WWC1: variants seen among roughly 807,000 people sequenced by gnomAD.
WWC1 encodes the protein WW and C2 domain containing 1, also known as protein KIBRA.
WWC1 carries 55 observed loss-of-function variants against 138.4 expected under a neutral mutation model. That is an observed-to-expected ratio of 0.40 (90% confidence interval 0.32 to 0.50). The LOEUF (loss-of-function observed/expected upper bound fraction) is 0.50. WWC1 is among the 20% of genes least tolerant of loss of function. WWC1 has a pLI of 0.72. For synonymous variants in WWC1, 524 were observed against 564.9 expected (o/e 0.93, Z 1.03); for missense variants, 1,226 against 1,420.4 (o/e 0.86, Z 2.20).
In WWC1 at chr5:168,464,932, C is replaced by T. The variant is rs766887781; in HGVS notation, c.3120C>T (p.Phe1040=). 2 of 1,614,122 alleles carry T rather than the reference C, an allele frequency of 1.2e-6. No individual in the cohort carries two copies. The highest frequency in any genetic ancestry group is 2.2e-5 in the South Asian group (2 of 91,082). Residue 1040 remains phenylalanine (F), a synonymous_variant, in exon 21 of 23, where the codon TTC becomes TTT. Transcript: ENST00000265293. ...AGTGGTTGCGTGAGGACGAGCGTTT[C>T]CGCCTGCTGCTGAGGATGCTGGAGA... is the stretch of plus-strand genomic sequence containing the variant. ...LPQWLREDER[F]RLLLRMLEKR...
intron 3 of WWC1, among the ~76,000 whole-genome samples, chr5:168,394,488 G>T (rs968698882): frequency 3.0e-4 from 45 of 152,104 alleles, no homozygotes; most frequent in African/African-American, 9.9e-4. Context: ...GCACTTGGGG[G>T]GCCGAGGCGG....
intron 5 of WWC1, 38 bp from the exon 6 acceptor site, chr5:168,406,160 C>G: frequency 1.2e-6 from 2 of 1,609,288 alleles, no homozygotes; most frequent in Non-Finnish European, 1.7e-6. Flanking sequence ...GTCCCTCACC[C>G]TATCTAAGGC....
chr5:168,446,261 A>C (rs976879092), intron 17 of WWC1, among the ~76,000 whole-genome samples: 9 of 137,892 alleles, frequency 6.5e-5, no homozygotes, highest in Admixed American at 4.3e-4. Context: ...AAAAAAAAAA[A>C]GGTTAGCAAG....
At chr5:168,312,635 T>G (rs146521666) in intron 1 of WWC1, among the ~76,000 whole-genome samples, 527 of 152,346 alleles carry the variant, frequency 3.5e-3, no homozygotes, top group African/African-American at 0.012. Context: ...GGCCCCAGCC[T>G]ATGCCTCCTA....
chr5:168,305,835 T>TG (rs1205826829), intron 1 of WWC1, among the ~76,000 whole-genome samples: 1 of 152,154 alleles, frequency 6.6e-6, no homozygotes, highest in Admixed American at 6.6e-5. Flanking sequence ...ACTTGGTCTG[T>TG]GGTATGGCCT....
chr5:168,339,347 T>C (rs558920986), intron 1 of WWC1, among the ~76,000 whole-genome samples: 31 of 152,218 alleles, frequency 2.0e-4, no homozygotes, highest in Middle Eastern at 3.4e-3. Flanking sequence ...GCTAGTTGCC[T>C]TGGGGGAAAG....
intron 15 of WWC1, among the ~76,000 whole-genome samples, chr5:168,439,601 G>T (rs1186541634): frequency 6.7e-6 from 1 of 149,648 alleles, no homozygotes; most frequent in African/African-American, 2.5e-5. Flanking sequence ...CACTCCAGCA[G>T]CCTCGGCAAC....
At chr5:168,401,565 A>G (rs1334790134) in intron 5 of WWC1, among the ~76,000 whole-genome samples, 1 of 152,090 alleles carries the variant, frequency 6.6e-6, no homozygotes, top group Non-Finnish European at 1.5e-5. Flanking sequence ...TTCCCACCCC[A>G]CAAGTCCCCA....
In WWC1 at chr5:168,414,525, C is replaced by G; in HGVS notation, c.1119C>G (p.Ala373=). The G allele has an allele frequency of 6.4e-7, 1 of 1,556,092 alleles. No individual in the cohort carries two copies. Among genetic ancestry groups the G allele is most frequent in the Non-Finnish European group, 8.7e-7 (1 of 1,149,478 alleles). The part of the protein sequence containing the change: ...TQGEVEQLEM[A]RKRLEKDLQA... ...GGGAGGTGGAGCAGCTGGAGATGGC[C>G]CGGAAGCGGCTGGAAAAGGACCTGC... Residue 373 remains alanine, a synonymous_variant, in exon 9 of 23, where the codon GCC becomes GCG. Transcript: ENST00000265293.
chr5:168,324,658 C>T (rs1249556785), intron 1 of WWC1, among the ~76,000 whole-genome samples: 2 of 151,272 alleles, frequency 1.3e-5, no homozygotes, highest in African/African-American at 4.9e-5. Context: ...GACAAATAGA[C>T]AACAAATGGC....
intron 1 of WWC1, among the ~76,000 whole-genome samples, chr5:168,301,929 C>T (rs1003396969): frequency 2.0e-5 from 3 of 152,136 alleles, no homozygotes; most frequent in African/African-American, 4.8e-5. Flanking sequence ...CATTAGAGCT[C>T]GCAAACCACC....
chr5:168,343,249 G>A (rs1774194671), intron 1 of WWC1, among the ~76,000 whole-genome samples: 1 of 151,930 alleles, frequency 6.6e-6, no homozygotes, highest in South Asian at 2.1e-4. Flanking sequence ...GCTTTCATGT[G>A]CCCTGCATTT....
chr5:168,339,977 TTC>T (rs1159747247), intron 1 of WWC1, among the ~76,000 whole-genome samples: 2 of 105,248 alleles, frequency 1.9e-5, no homozygotes, highest in East Asian at 2.3e-4. Context: ...CTGTCTCTCT[TTC>T]TCTCTTTCTC....
At chr5:168,432,106 C>T (rs1359630451) in intron 15 of WWC1, among the ~76,000 whole-genome samples, 1 of 151,882 alleles carries the variant, frequency 6.6e-6, no homozygotes, top group Non-Finnish European at 1.5e-5. Flanking sequence ...CATTCACATC[C>T]CACCTTTACC....
chr5:168,417,860 C>T (rs1429381999), intron 9 of WWC1, among the ~76,000 whole-genome samples: 1 of 152,258 alleles, frequency 6.6e-6, no homozygotes, highest in African/African-American at 2.4e-5. Context: ...AATGGGGTAC[C>T]ATGCTCATGG....
chr5:168,420,963 C>T (rs541690627), intron 9 of WWC1, among the ~76,000 whole-genome samples: 2 of 152,282 alleles, frequency 1.3e-5, no homozygotes, highest in South Asian at 4.1e-4. Flanking sequence ...TTTTCCTAGC[C>T]AACTGCTGTC....
intron 1 of WWC1, among the ~76,000 whole-genome samples, chr5:168,315,378 C>T (rs72822615): frequency 0.12 from 18,615 of 151,718 alleles, 1,586 homozygotes; most frequent in Non-Finnish European, 0.17. Context: ...ACCTTAATCT[C>T]GAAAACCTCT....
At chr5:168,309,028 C>T (rs74317835) in intron 1 of WWC1, among the ~76,000 whole-genome samples, 8 of 152,272 alleles carry the variant, frequency 5.3e-5, no homozygotes, top group African/African-American at 1.9e-4. Flanking sequence ...CTCCATCCCT[C>T]CTTCTCCCAC....
At chr5:168,425,068 C>A (rs1264582049) in intron 11 of WWC1, among the ~76,000 whole-genome samples, 1 of 152,142 alleles carries the variant, frequency 6.6e-6, no homozygotes, top group East Asian at 1.9e-4. Context: ...TCAGTTATTT[C>A]TATTCTGTCC....
Sources: gnomAD v4.1 joint callset for allele counts (sites outside exome capture counted in the v4.1 genomes callset) on GRCh38, gnomAD v4.1.1 for gene constraint, MANE v1.5 for transcripts, NCBI Gene and HGNC (gene_info 2026-07-23, HGNC 2026-07-21) for gene names.